The following SLIT1 variants were observed in gnomAD, a reference collection of about 807,000 sequenced individuals.
SLIT1 encodes the protein slit homolog 1 protein.
Under a neutral mutation model 186.1 loss-of-function variants are expected in SLIT1, and 66 were observed. That is an observed-to-expected ratio of 0.35 (90% confidence interval 0.29 to 0.44). SLIT1 has a LOEUF of 0.44. Among genes scored for constraint, SLIT1 ranks in the 20% least tolerant of loss-of-function variants. The pLI, the probability that SLIT1 is intolerant of heterozygous loss-of-function variation, is 1.00. For missense variants in SLIT1, 1,638 were observed against 2,037.4 expected (o/e 0.80, Z 3.77); for synonymous variants, 761 against 833.8 (o/e 0.91, Z 1.50).
chr10:97,076,424 G>C (rs1484762559), intron 4 of SLIT1, among the ~76,000 whole-genome samples: 1 of 152,116 alleles, frequency 6.6e-6, no homozygotes, highest in South Asian at 2.1e-4. Context: ...CTGGGATCTC[G>C]CTGGACCATC....
chr10:97,106,495 C>G (rs1394532387), intron 4 of SLIT1, among the ~76,000 whole-genome samples: 1 of 152,188 alleles, frequency 6.6e-6, no homozygotes, highest in Non-Finnish European at 1.5e-5. Flanking sequence ...GTCTGCCAGA[C>G]TGCAAAGGAA....
intron 3 of SLIT1, 131 bp downstream of exon 3, chr10:97,163,249 C>T (rs994798382): frequency 1.1e-4 from 79 of 744,894 alleles, no homozygotes; most frequent in African/African-American, 1.1e-3. Flanking sequence ...TGGCTCCATC[C>T]GCTGGTGGAG....
At position 97,004,867 on chromosome 10, in the gene SLIT1, C is replaced by T. The variant is rs1334649908; in HGVS notation, c.3580-44G>A. On this transcript the variant is annotated intron_variant, in intron 32 of 36. Transcript: ENST00000266058. The surrounding 1 kb of genome is among the most constrained non-coding windows in gnomAD (Gnocchi z 5.1). ...TTCTCTCCCACCCCACCCCATGCAG[C>T]AGCGGCACAGGCTAGCAGATGGGGC... The T allele has an allele frequency of 1.2e-6, 2 of 1,612,546 alleles. No individual in the cohort carries two copies. The highest frequency in any genetic ancestry group is 1.3e-5 in the African/African-American group (1 of 74,914).
rs562379989 is a variant in SLIT1, at chr10:97,030,686, G to C, written c.2582+71C>G. ...CAACAAACTCTGACAATCTCAGGAGGTGGGATCTTCTCAGAAACCAAGTCC... is the reference window on the plus strand; with the variant it reads ...CAACAAACTCTGACAATCTCAGGAGCTGGGATCTTCTCAGAAACCAAGTCC... On this transcript the variant is annotated intron_variant, in intron 25 of 36. Transcript: ENST00000266058. 1.4e-5 allele frequency: 17 copies of C among 1,236,214 alleles called. No individual in the cohort carries two copies. The Middle Eastern group carries it at 5.6e-4, about 41-fold the overall frequency. The allele number at this position is 1,236,214 out of a possible 1,614,324, so 76.6% of individuals were successfully genotyped here.
At chr10:97,173,530 A>C (rs1589422071) in intron 1 of SLIT1, among the ~76,000 whole-genome samples, 10 of 123,208 alleles carry the variant, frequency 8.1e-5, no homozygotes, top group Middle Eastern at 5.2e-3. Flanking sequence ...ACAGGGTCTC[A>C]CTCTGTTGCC....
In SLIT1 at chr10:97,141,761, C is replaced by T. The variant is rs199608512; in HGVS notation, c.413+16057G>A. Among the ~76,000 whole-genome samples the T allele has an allele frequency of 2.8e-4, 41 of 148,964 alleles. 1 individual carries two copies. The highest frequency in any genetic ancestry group is 3.4e-3 in the Middle Eastern group (1 of 292). ...TGTATCGTATCGTATCGTATCGTAT[C>T]GTATTGTATCGTACTGTATTGTATT... is the stretch of plus-strand genomic sequence containing the variant. On this transcript the variant is annotated intron_variant, in intron 4 of 36. Transcript: ENST00000266058.
At chr10:97,139,813 G>A (rs545204570) in intron 4 of SLIT1, among the ~76,000 whole-genome samples, 2 of 152,246 alleles carry the variant, frequency 1.3e-5, no homozygotes, top group African/African-American at 2.4e-5. Flanking sequence ...GTGCACACAG[G>A]GCACTGGGCC....
chr10:97,056,673 T>A (rs540947103), intron 12 of SLIT1, among the ~76,000 whole-genome samples: 1 of 152,340 alleles, frequency 6.6e-6, no homozygotes, highest in South Asian at 2.1e-4. Context: ...GACATCTTGG[T>A]CAACCCACTC....
At position 97,184,753 on chromosome 10, in the gene SLIT1, C is replaced by A. The variant is rs1411660112; in HGVS notation, c.197+725G>T. Among the ~76,000 whole-genome samples, 3 of 152,214 alleles carry A rather than the reference C, an allele frequency of 2.0e-5. No homozygotes were observed. Among genetic ancestry groups the A allele is most frequent in the Non-Finnish European group, 4.4e-5 (3 of 68,042 alleles). ...TGGGCCCCCCTCTCCAAGCTCCTGACTTCTTGGCATTATCCACCGGGTTCT... is the reference window on the plus strand; with the variant it reads ...TGGGCCCCCCTCTCCAAGCTCCTGAATTCTTGGCATTATCCACCGGGTTCT... On this transcript the variant is annotated intron_variant, in intron 1 of 36. Coordinates refer to ENST00000266058, the MANE Select transcript of SLIT1 (RefSeq NM_003061.3). This position sits in a 1 kb window ranked among gnomAD's most constrained non-coding sequence, Gnocchi z 4.4.
At chr10:97,048,678 A>G (rs1027939509) in intron 14 of SLIT1, among the ~76,000 whole-genome samples, 2 of 152,184 alleles carry the variant, frequency 1.3e-5, no homozygotes, top group African/African-American at 4.8e-5. Flanking sequence ...CATCCAGGAA[A>G]CATCAGGGGG....
At chr10:97,118,838 C>T (rs1849532427) in intron 4 of SLIT1, among the ~76,000 whole-genome samples, 1 of 152,198 alleles carries the variant, frequency 6.6e-6, no homozygotes. Flanking sequence ...TTAAATGAGA[C>T]AGTACATATA....
chr10:97,030,685 G>A lies in SLIT1; in HGVS notation c.2582+72C>T, dbSNP rs1167138725. 4.1e-6 allele frequency: 5 copies of A among 1,218,246 alleles called. No individual in the cohort carries two copies. In the African/African-American group the frequency reaches 7.4e-5, roughly 18 times the overall value. The allele number at this position is 1,218,246 out of a possible 1,614,324, so 75.5% of individuals were successfully genotyped here. ...GCAACAAACTCTGACAATCTCAGGA[G>A]GTGGGATCTTCTCAGAAACCAAGTC... On this transcript the variant is annotated intron_variant, in intron 25 of 36. Coordinates refer to ENST00000266058, the MANE Select transcript of SLIT1 (RefSeq NM_003061.3).
chr10:97,040,205 C>G, intron 20 of SLIT1, 85 bp from the exon 21 acceptor site: 2 of 1,366,438 alleles, frequency 1.5e-6, no homozygotes, highest in Non-Finnish European at 1.9e-6. Context: ...GCTCTGGGGC[C>G]TCTCAGAACA....
At chr10:97,002,094 T>G in intron 36 of SLIT1, 64 bp downstream of exon 36, 15 of 1,088,302 alleles carry the variant, frequency 1.4e-5, no homozygotes, top group Middle Eastern at 3.2e-4. Context: ...GGAGGAAGAG[T>G]CAAATTGCTA....
chr10:97,164,932 G>A, intron 1 of SLIT1, 42 bp from the exon 2 acceptor site: 1 of 1,518,560 alleles, frequency 6.6e-7, no homozygotes, highest in South Asian at 1.1e-5. Flanking sequence ...GGTGAGCAGG[G>A]TAAGCCCCCA....
At chr10:97,067,456 G>A (rs967096817) in intron 4 of SLIT1, among the ~76,000 whole-genome samples, 1 of 152,204 alleles carries the variant, frequency 6.6e-6, no homozygotes, top group Admixed American at 6.5e-5. Context: ...TACTTCCCAG[G>A]AGCGTGGCGT....
At chr10:97,115,503 C>G (rs951856883) in intron 4 of SLIT1, among the ~76,000 whole-genome samples, 1 of 152,136 alleles carries the variant, frequency 6.6e-6, no homozygotes, top group African/African-American at 2.4e-5. Context: ...CAAATGTTCT[C>G]TGGAGATGAG....
intron 13 of SLIT1, among the ~76,000 whole-genome samples, chr10:97,050,614 T>G (rs11188997): frequency 6.6e-6 from 1 of 152,150 alleles, no homozygotes; most frequent in Non-Finnish European, 1.5e-5. Context: ...GGGGCAGAGT[T>G]TGTAGCTAAT....
intron 11 of SLIT1, 55 bp downstream of exon 11, chr10:97,059,405 A>G: frequency 5.5e-6 from 8 of 1,451,632 alleles, no homozygotes; most frequent in Non-Finnish European, 5.8e-6. Flanking sequence ...GGGCCCTGCC[A>G]GCCTCCTCAG....
Sources: gnomAD v4.1 joint callset for allele counts (sites outside exome capture counted in the v4.1 genomes callset) on GRCh38, gnomAD v4.1.1 for gene constraint, Gnocchi (gnomAD v3.1) non-coding constraint, MANE v1.5 for transcripts, NCBI Gene and HGNC (gene_info 2026-07-23, HGNC 2026-07-21) for gene names.